The following PRSS23 variants were observed in gnomAD, a reference collection of about 807,000 sequenced individuals.
PRSS23 encodes serine protease 23, also known as protease, serine 23.
A neutral mutation model predicts 34.7 loss-of-function variants in PRSS23; 25 were observed. The observed-to-expected ratio is 0.72, with a 90% CI of 0.53 to 1.01. The LOEUF (loss-of-function observed/expected upper bound fraction) is 1.01, where lower values mean the gene tolerates loss of function less well. PRSS23 is among the 50% of genes least tolerant of loss of function. The pLI, the probability that PRSS23 is intolerant of heterozygous loss-of-function variation, is 0.00. For missense variants in PRSS23, 445 were observed against 475.6 expected (o/e 0.94, Z 0.60); for synonymous variants, 176 against 186.6 (o/e 0.94, Z 0.46).
rs541920740 is a variant in PRSS23 at position 86,848,965 on chromosome 11, T to G, written c.206+25372T>G. On this transcript the variant is annotated intron_variant, in intron 2 of 2. Coordinates refer to the PRSS23 transcript ENST00000533902. Reference sequence around the variant, plus strand: ...TAGAAACAAACTGCCCCCTCGCCCATGTCCAATATGCCAAGGCAATCACTG... The same window carrying G: ...TAGAAACAAACTGCCCCCTCGCCCAGGTCCAATATGCCAAGGCAATCACTG... Among the ~76,000 whole-genome samples, 3 of 152,318 alleles carry G rather than the reference T, an allele frequency of 2.0e-5. No homozygotes were observed. The East Asian group carries it at 5.8e-4, about 29-fold the overall frequency.
intron 2 of PRSS23, among the ~76,000 whole-genome samples, chr11:86,860,730 C>T (rs61906688): frequency 1.6e-4 from 24 of 151,416 alleles, no homozygotes; most frequent in African/African-American, 3.9e-4. Context: ...CAAATTTGGC[C>T]GGTGGTTTGA....
rs186066407 is a variant in PRSS23, at chr11:86,901,916, G to A, written c.207-49300G>A. 3.6e-3 allele frequency among the ~76,000 whole-genome samples: 552 copies of A among 152,206 alleles called. 4 individuals carry two copies. Among genetic ancestry groups the A allele is most frequent in the Non-Finnish European group, 5.9e-3 (400 of 68,018 alleles). On this transcript the variant is annotated intron_variant, in intron 2 of 2. Coordinates refer to the PRSS23 transcript ENST00000533902. ...GCCATGGTCATTTATGAAAACCAGG[G>A]TACTTCTGGGGGAAAATAGATAAAA...
At chr11:86,807,550 G>C (rs137942219) in intron 1 of PRSS23, 81 bp from the exon 2 acceptor site, 1 of 1,280,724 alleles carries the variant, frequency 7.8e-7, no homozygotes, top group African/African-American at 1.5e-5. Context: ...ACAATGACAG[G>C]CCTGCTGCTG....
At position 86,818,882 on chromosome 11, in the gene PRSS23, C is replaced by A. The variant is rs530729378; in HGVS notation, c.-11-4495C>A. On this transcript the variant is annotated intron_variant, in intron 1 of 2. Transcript: ENST00000533902. ...ATGCCATTAATGATGGTGGTGAAAT[C>A]CTTCTTTCAAGTTTGTTCTCTTTTT... 9.2e-5 allele frequency among the ~76,000 whole-genome samples: 14 copies of A among 152,264 alleles called. No individual in the cohort carries two copies. The South Asian group carries it at 2.5e-3, about 27-fold the overall frequency.
At chr11:86,939,413 TATATA>T (rs1949189073) in intron 2 of PRSS23, among the ~76,000 whole-genome samples, 2 of 82,378 alleles carry the variant, frequency 2.4e-5, no homozygotes, top group Non-Finnish European at 5.9e-5. Context: ...AATATATATA[TATATA>T]TATATATATT....
intron 2 of PRSS23, among the ~76,000 whole-genome samples, chr11:86,879,792 C>T (rs1475111567): frequency 2.0e-4 from 22 of 108,696 alleles, no homozygotes; most frequent in African/African-American, 4.3e-4. Flanking sequence ...GCCCCCTGCC[C>T]GGCCAGCCGC....
chr11:86,820,676 G>T (rs761823269), intron 1 of PRSS23, among the ~76,000 whole-genome samples: 6 of 152,172 alleles, frequency 3.9e-5, no homozygotes, highest in Admixed American at 6.5e-5. Flanking sequence ...TATCTCATTT[G>T]AGGAAAGTTA....
chr11:86,808,908 GTAAGGTGTCTTA>G lies in PRSS23; in HGVS notation c.*117_*128del, dbSNP rs1948144099. ...CGTGTGTGTGTGTGTGTGTGTGTGT[GTAAGGTGTCTTA>G]TAATCTTTTACCTATTTCTTACAAT... is the stretch of plus-strand genomic sequence containing the variant. On this transcript the variant is annotated 3_prime_UTR_variant, in exon 2 of 2. Transcript: ENST00000280258. 2 of 823,872 alleles carry G rather than the reference GTAAGGTGTCTTA, an allele frequency of 2.4e-6. No individual in the cohort carries two copies. Among genetic ancestry groups the G allele is most frequent in the East Asian group, 5.2e-5 (2 of 38,602 alleles). 51.0% of individuals were successfully genotyped at this position (823,872 alleles called of 1,614,324 possible).
At chr11:86,876,717 C>G (rs1318432364) in intron 2 of PRSS23, among the ~76,000 whole-genome samples, 1 of 112,278 alleles carries the variant, frequency 8.9e-6, no homozygotes, top group Non-Finnish European at 1.7e-5. Flanking sequence ...ATCTATATAA[C>G]AGTTAACATT....
intron 2 of PRSS23, among the ~76,000 whole-genome samples, chr11:86,827,297 T>C (rs1948310070): frequency 1.3e-5 from 2 of 152,252 alleles, no homozygotes; most frequent in African/African-American, 4.8e-5. Context: ...GTTTGTAGTA[T>C]TCTCTGATGG....
upstream of PRSS23, among the ~76,000 whole-genome samples, chr11:86,800,011 TG>T (rs1323300131): frequency 1.3e-5 from 2 of 152,034 alleles, no homozygotes; most frequent in Non-Finnish European, 2.9e-5. Flanking sequence ...TACGTGGGGG[TG>T]GGGCGCACAC....
chr11:86,862,364 T>A (rs1361105664), intron 2 of PRSS23, among the ~76,000 whole-genome samples: 1 of 151,734 alleles, frequency 6.6e-6, no homozygotes, highest in Non-Finnish European at 1.5e-5. Context: ...CAGGGGGTGT[T>A]CACCCTGGGA....
At chr11:86,884,618 T>C (rs1565376488) in intron 2 of PRSS23, among the ~76,000 whole-genome samples, 1 of 152,216 alleles carries the variant, frequency 6.6e-6, no homozygotes, top group Non-Finnish European at 1.5e-5. Context: ...TCATATTTGA[T>C]TATATGATTT....
At chr11:86,943,188 A>G (rs1038699080) in intron 2 of PRSS23, among the ~76,000 whole-genome samples, 4 of 152,244 alleles carry the variant, frequency 2.6e-5, no homozygotes, top group Non-Finnish European at 4.4e-5. Context: ...TTTATTCTAG[A>G]AGTGTCCAGT....
At chr11:86,932,058 G>A (rs1949129774) in intron 2 of PRSS23, among the ~76,000 whole-genome samples, 1 of 152,174 alleles carries the variant, frequency 6.6e-6, no homozygotes, top group East Asian at 1.9e-4. Flanking sequence ...AAAATTTGGA[G>A]GTGATGGAGA....
At chr11:86,923,755 T>C (rs1949061913) in intron 2 of PRSS23, among the ~76,000 whole-genome samples, 1 of 152,200 alleles carries the variant, frequency 6.6e-6, no homozygotes, top group Non-Finnish European at 1.5e-5. Flanking sequence ...CCTCCTCATT[T>C]AATAAGTGTA....
At chr11:86,883,753 A>G (rs1011783920) in intron 2 of PRSS23, among the ~76,000 whole-genome samples, 26 of 152,148 alleles carry the variant, frequency 1.7e-4, no homozygotes, top group African/African-American at 5.6e-4. Context: ...TGTGTATCCT[A>G]TATGTTTTGG....
chr11:86,860,435 G>T (rs1249062083), intron 2 of PRSS23, among the ~76,000 whole-genome samples: 1 of 151,162 alleles, frequency 6.6e-6, no homozygotes, highest in Admixed American at 6.6e-5. Flanking sequence ...GTAGCAGAGG[G>T]TGTACACTGC....
At chr11:86,800,306 G>A, upstream of PRSS23, 1 of 310,940 alleles carries the variant, frequency 3.2e-6, no homozygotes, top group Non-Finnish European at 4.7e-6. Flanking sequence ...CCGGACTGGC[G>A]ACTGCTGCCG....
Sources: allele counts gnomAD v4.1 joint callset (sites outside exome capture counted in the v4.1 genomes callset), GRCh38; gene constraint gnomAD v4.1.1; transcripts MANE v1.5; gene names NCBI Gene and HGNC (gene_info 2026-07-23, HGNC 2026-07-21).